Variants in OR1L8 observed in about 807,000 individuals in gnomAD.
The protein encoded by OR1L8 is olfactory receptor family 1 subfamily L member 8, also known as olfactory receptor 1L8.
For missense variants in OR1L8, 330 were observed against 377.4 expected, an observed-to-expected ratio of 0.87 and a Z score of 1.04; for synonymous variants, 148 against 147.0, an observed-to-expected ratio of 1.01 and a Z score of -0.05.
chr9:122,556,672 CTTAAA>C, the OR1L8 span, among the ~76,000 whole-genome samples: 4 of 152,064 alleles, frequency 2.6e-5, no homozygotes. Flanking sequence ...TATCCCAGAA[CTTAAA>C]TTTAAAAGAA....
intron 1 of OR1L8, among the ~76,000 whole-genome samples, chr9:122,579,062 A>C (rs1829706752): frequency 6.6e-6 from 1 of 152,166 alleles, no homozygotes; most frequent in African/African-American, 2.4e-5. Flanking sequence ...AAGTCATTAA[A>C]AAAGAAGAAA....
the OR1L8 span, among the ~76,000 whole-genome samples, chr9:122,552,749 A>AGAGT: frequency 3.9e-5 from 5 of 129,662 alleles, no homozygotes; most frequent in African/African-American, 1.5e-4. Flanking sequence ...AGAGGGCTTG[A>AGAGT]GTGTGTGTGT....
intron 3 of OR1L8, among the ~76,000 whole-genome samples, chr9:122,576,038 T>C (rs1014284094): frequency 3.9e-5 from 6 of 152,200 alleles, no homozygotes; most frequent in African/African-American, 1.4e-4. Flanking sequence ...CCTCCAGGTA[T>C]ATCTGTGTTG....
At chr9:122,552,079 T>TCTCTGTCACACA in the OR1L8 span, among the ~76,000 whole-genome samples, 35 of 142,104 alleles carry the variant, frequency 2.5e-4, no homozygotes, top group Admixed American at 1.3e-3. Flanking sequence ...TCTCTCTCTC[T>TCTCTGTCACACA]CACACACACA....
At chr9:122,577,089 A>T (rs892864273) in intron 2 of OR1L8, among the ~76,000 whole-genome samples, 188 bp from the exon 3 acceptor site, 6 of 152,228 alleles carry the variant, frequency 3.9e-5, no homozygotes, top group Admixed American at 2.6e-4. Flanking sequence ...TGCTGCTAGT[A>T]GTGTGAATAC....
At chr9:122,561,346 A>T in the OR1L8 span, among the ~76,000 whole-genome samples, 1 of 152,124 alleles carries the variant, frequency 6.6e-6, no homozygotes, top group African/African-American at 2.4e-5. Flanking sequence ...CTGTCAGTTC[A>T]TCTATTTCAT....
At chr9:122,576,184 A>ATATGTATG (rs766947469) in intron 3 of OR1L8, among the ~76,000 whole-genome samples, 1 of 151,998 alleles carries the variant, frequency 6.6e-6, no homozygotes, top group South Asian at 2.1e-4. Context: ...ATATACATAT[A>ATATGTATG]TATGTATGTA....
chr9:122,548,803 TTTGTTGTTG>T, the OR1L8 span, among the ~76,000 whole-genome samples: 10 of 140,188 alleles, frequency 7.1e-5, no homozygotes, highest in East Asian at 2.2e-4. Context: ...TCCTGTGTGT[TTTGTTGTTG>T]TTGTTGTTGT....
Position 122,568,028 on chromosome 9 carries a change from G to T in OR1L8, c.450C>A (p.Cys150Ter). 6.2e-7 allele frequency: 1 copy of T among 1,614,090 alleles called. No homozygotes were observed. Among genetic ancestry groups the T allele is most frequent in the Non-Finnish European group, 8.5e-7 (1 of 1,179,970 alleles). ...HHCVLLVAFS[C>*]SFPHLHSLLH... is the part of the protein sequence containing the mutation. ...GGAGTGAGTGGAGGTGAGGAAATGA[G>T]CAGGAGAAGGCCACCAGCAGGACAC... The change falls in exon 5 of 5, where the codon TGC becomes TGA. Residue 150 changes from cysteine (C) to a stop codon, truncating the protein, a stop_gained. Transcript: ENST00000641027. LOFTEE classifies it low-confidence loss of function (END_TRUNC).
Position 122,567,390 on chromosome 9 carries a change from T to C in OR1L8, c.*158A>G, listed in dbSNP as rs1044639857. ...GATTTAAGAGATACAGGCCGAATTG[T>C]TGGGTCATCATCAATGGATGTAAGT... On this transcript the variant is annotated 3_prime_UTR_variant, in exon 5 of 5. Transcript: ENST00000641027. 1.3e-5 allele frequency: 7 copies of C among 535,324 alleles called. No individual in the cohort carries two copies. The highest frequency in any genetic ancestry group is 3.8e-5 in the African/African-American group (2 of 52,670). 33.2% of individuals were successfully genotyped at this position (535,324 alleles called of 1,614,324 possible).
chr9:122,553,829 C>T, the OR1L8 span: 3 of 1,613,878 alleles, frequency 1.9e-6, no homozygotes, highest in Admixed American at 1.7e-5. Context: ...TCACCATGGG[C>T]TTGCTGTTCC....
intron 3 of OR1L8, among the ~76,000 whole-genome samples, chr9:122,574,144 C>T (rs957440353): frequency 3.9e-5 from 6 of 152,012 alleles, no homozygotes; most frequent in African/African-American, 1.4e-4. Flanking sequence ...TAGTGTCAGT[C>T]CTCCAGTTTG....
the OR1L8 span, among the ~76,000 whole-genome samples, chr9:122,559,144 C>T: frequency 1.3e-5 from 2 of 152,052 alleles, no homozygotes; most frequent in Admixed American, 1.3e-4. Flanking sequence ...AACACCAGAG[C>T]TTGTTAATCC....
chr9:122,570,293 C>T (rs1055479474), intron 4 of OR1L8, among the ~76,000 whole-genome samples: 2 of 152,020 alleles, frequency 1.3e-5, no homozygotes, highest in Non-Finnish European at 2.9e-5. Flanking sequence ...TACAGTCCCA[C>T]CAACAGTGTA....
At chr9:122,554,885 C>A in the OR1L8 span, among the ~76,000 whole-genome samples, 1 of 152,108 alleles carries the variant, frequency 6.6e-6, no homozygotes, top group Non-Finnish European at 1.5e-5. Flanking sequence ...CTACACCATC[C>A]GTTCTCTGAA....
At chr9:122,560,015 T>C in the OR1L8 span, among the ~76,000 whole-genome samples, 3 of 152,332 alleles carry the variant, frequency 2.0e-5, no homozygotes, top group Non-Finnish European at 4.4e-5. Flanking sequence ...GGTGCTCCTG[T>C]ATTGGGTGCA....
intron 1 of OR1L8, among the ~76,000 whole-genome samples, chr9:122,580,713 T>G (rs910994682): frequency 6.6e-6 from 1 of 152,188 alleles, no homozygotes; most frequent in Admixed American, 6.5e-5. Flanking sequence ...TGTTGTATTG[T>G]ATTATGAGGG....
chr9:122,547,600 T>G, the OR1L8 span, among the ~76,000 whole-genome samples: 1 of 151,060 alleles, frequency 6.6e-6, no homozygotes, highest in Non-Finnish European at 1.5e-5. Context: ...ATTTCATTTT[T>G]TATGGCTGAG....
chr9:122,577,411 G>T (rs930424411), intron 2 of OR1L8, among the ~76,000 whole-genome samples: 2 of 152,080 alleles, frequency 1.3e-5, no homozygotes, highest in Non-Finnish European at 2.9e-5. Context: ...TACAAAAATC[G>T]TTGGGATAGT....
Sources: allele counts gnomAD v4.1 joint callset (sites outside exome capture counted in the v4.1 genomes callset), GRCh38; gene constraint gnomAD v4.1.1; transcripts MANE v1.5; gene names NCBI Gene and HGNC (gene_info 2026-07-23, HGNC 2026-07-21).